Variants in PPP2R5E observed in about 807,000 individuals in gnomAD.
The protein encoded by PPP2R5E is protein phosphatase 2 regulatory subunit B'epsilon.
In PPP2R5E, 4 loss-of-function variants were observed where a neutral mutation model predicts 65.3. The ratio of observed to expected loss-of-function variants is 0.06; its 90% CI spans 0.03 to 0.14. The LOEUF (loss-of-function observed/expected upper bound fraction) is 0.14, where lower values mean the gene tolerates loss of function less well. PPP2R5E is among the 10% of genes least tolerant of loss of function. The probability of loss-of-function intolerance (pLI) is 1.00; values close to 1 mark genes in which losing one functional copy is unlikely to be tolerated. For synonymous variants in PPP2R5E, 183 were observed against 187.4 expected, an observed-to-expected ratio of 0.98 and a Z score of 0.19; for missense variants, 274 against 556.1, an observed-to-expected ratio of 0.49 and a Z score of 5.10.
intron 2 of PPP2R5E, among the ~76,000 whole-genome samples, chr14:63,480,430 T>C (rs928264640): frequency 1.3e-5 from 2 of 152,196 alleles, no homozygotes; most frequent in African/African-American, 4.8e-5. Flanking sequence ...CACTCCAGTC[T>C]AGGCAACAGA....
chr14:63,473,477 G>A (rs1207541979), intron 2 of PPP2R5E, among the ~76,000 whole-genome samples: 3 of 152,216 alleles, frequency 2.0e-5, no homozygotes, highest in Non-Finnish European at 4.4e-5. Flanking sequence ...AGAGAACCAA[G>A]ATGATGAAGT....
At position 63,446,145 on chromosome 14, in the gene PPP2R5E, A is replaced by G. The variant is rs1236567489; in HGVS notation, c.354+7544T>C. Among the ~76,000 whole-genome samples the G allele has an allele frequency of 3.3e-5, 5 of 152,208 alleles. No homozygotes were observed. The East Asian group carries it at 9.6e-4, about 29-fold the overall frequency. On this transcript the variant is annotated intron_variant, in intron 3 of 13. Transcript: ENST00000337537. ...ACTCCTCATTTGTTGAAGTTTGATCATGAGATTGCAGCAATTCAGTCAAAT... is the reference window on the plus strand; with the variant it reads ...ACTCCTCATTTGTTGAAGTTTGATCGTGAGATTGCAGCAATTCAGTCAAAT...
At chr14:63,519,071 A>G (rs1055177567) in intron 2 of PPP2R5E, among the ~76,000 whole-genome samples, 2 of 152,082 alleles carry the variant, frequency 1.3e-5, no homozygotes, top group African/African-American at 4.8e-5. Flanking sequence ...AAAATTAGCC[A>G]GGCGTGGTGG....
intron 11 of PPP2R5E, among the ~76,000 whole-genome samples, chr14:63,386,701 T>C (rs1884690330): frequency 6.6e-6 from 1 of 151,940 alleles, no homozygotes; most frequent in Non-Finnish European, 1.5e-5. Flanking sequence ...GGTGGGTGGA[T>C]CATTTGAGGT....
intron 2 of PPP2R5E, among the ~76,000 whole-genome samples, chr14:63,532,535 C>T (rs1893479175): frequency 6.6e-6 from 1 of 152,088 alleles, no homozygotes; most frequent in Non-Finnish European, 1.5e-5. Context: ...TTCCAATTTC[C>T]ACCTTTTTAC....
chr14:63,425,709 T>A (rs1489388164), intron 3 of PPP2R5E, among the ~76,000 whole-genome samples: 1 of 152,224 alleles, frequency 6.6e-6, no homozygotes, highest in Non-Finnish European at 1.5e-5. Context: ...TACTAAGCAT[T>A]TAATAAATAT....
At chr14:63,445,818 G>A (rs1888446563) in intron 3 of PPP2R5E, among the ~76,000 whole-genome samples, 1 of 151,472 alleles carries the variant, frequency 6.6e-6, no homozygotes, top group African/African-American at 2.4e-5. Flanking sequence ...CTCCAGCCTG[G>A]GCAATAGAGT....
At chr14:63,431,266 A>G (rs927514686) in intron 3 of PPP2R5E, among the ~76,000 whole-genome samples, 2 of 145,692 alleles carry the variant, frequency 1.4e-5, no homozygotes, top group African/African-American at 5.0e-5. Context: ...GACTCTATCA[A>G]AAAAAAAAAA....
intron 2 of PPP2R5E, among the ~76,000 whole-genome samples, chr14:63,503,222 C>G (rs1401830977): frequency 2.0e-5 from 3 of 151,924 alleles, no homozygotes; most frequent in Non-Finnish European, 4.4e-5. Flanking sequence ...CTAGACTAGA[C>G]AAAGCTTCTT....
At chr14:63,542,010 C>A (rs1438770429) in intron 1 of PPP2R5E, among the ~76,000 whole-genome samples, 1 of 152,130 alleles carries the variant, frequency 6.6e-6, no homozygotes, top group African/African-American at 2.4e-5. Context: ...ATTTTCCATT[C>A]GGGTATGTGA....
At chr14:63,406,995 C>G (rs923224241) in intron 5 of PPP2R5E, among the ~76,000 whole-genome samples, 1 of 152,154 alleles carries the variant, frequency 6.6e-6, no homozygotes, top group African/African-American at 2.4e-5. Flanking sequence ...GTTCTCAAAA[C>G]AAGAATCCTA....
chr14:63,477,809 G>T lies in PPP2R5E; in HGVS notation c.158-23924C>A, dbSNP rs191634959. ...TTCAGCAGCATATATACTAAAACTG[G>T]AATGATACAGAGAAGATTAGCATGA... On this transcript the variant is annotated intron_variant, in intron 2 of 13. Transcript: ENST00000337537. 3.2e-4 allele frequency among the ~76,000 whole-genome samples: 48 copies of T among 151,350 alleles called. 1 individual carries two copies. Among genetic ancestry groups the T allele is most frequent in the African/African-American group, 1.2e-3 (48 of 41,348 alleles).
chr14:63,411,658 T>TAA (rs766263301), intron 5 of PPP2R5E, among the ~76,000 whole-genome samples: 1,380 of 93,054 alleles, frequency 0.015, 15 homozygotes, highest in African/African-American at 0.024. Flanking sequence ...TGTGGTTGTT[T>TAA]AAAAAAAAAA....
intron 3 of PPP2R5E, among the ~76,000 whole-genome samples, chr14:63,434,449 T>A (rs1887853469): frequency 6.6e-6 from 1 of 152,162 alleles, no homozygotes; most frequent in Admixed American, 6.5e-5. Flanking sequence ...CATGATTTCA[T>A]CCAGTGAAGA....
intron 1 of PPP2R5E, among the ~76,000 whole-genome samples, chr14:63,540,090 A>T (rs1400036600): frequency 6.9e-6 from 1 of 144,002 alleles, no homozygotes; most frequent in Non-Finnish European, 1.5e-5. Flanking sequence ...CCGCCATTGC[A>T]CTCCATCCAG....
chr14:63,448,787 C>CAAAAAAAA (rs36096050), intron 3 of PPP2R5E, among the ~76,000 whole-genome samples: 1 of 86,610 alleles, frequency 1.2e-5, no homozygotes. Context: ...AAGACTTCGT[C>CAAAAAAAA]AAAAAAAAAA....
intron 11 of PPP2R5E, among the ~76,000 whole-genome samples, chr14:63,388,127 TC>T (rs1884785475): frequency 1.8e-5 from 2 of 108,618 alleles, no homozygotes; most frequent in East Asian, 1.5e-3. Flanking sequence ...TTTTTTTTTC[TC>T]CTTTCTTTTT....
intron 3 of PPP2R5E, among the ~76,000 whole-genome samples, chr14:63,448,156 G>T (rs912166218): frequency 1.3e-5 from 2 of 151,956 alleles, no homozygotes; most frequent in Non-Finnish European, 2.9e-5. Context: ...AATTAGCCAG[G>T]CGTGGTGGCG....
At chr14:63,455,751 A>G (rs1367566860) in intron 2 of PPP2R5E, among the ~76,000 whole-genome samples, 3 of 152,232 alleles carry the variant, frequency 2.0e-5, no homozygotes, top group South Asian at 2.1e-4. Context: ...TTAATTACTA[A>G]AATCTTTCGA....
Sources: allele counts gnomAD v4.1 joint callset (sites outside exome capture counted in the v4.1 genomes callset), GRCh38; gene constraint gnomAD v4.1.1; transcripts MANE v1.5; gene names NCBI Gene and HGNC (gene_info 2026-07-23, HGNC 2026-07-21).